Variants in ELMO1 observed in about 807,000 individuals in gnomAD.
The protein encoded by ELMO1 is engulfment and cell motility protein 1.
In ELMO1, 26 loss-of-function variants were observed where a neutral mutation model predicts 98.9. The ratio of observed to expected loss-of-function variants is 0.26; its 90% CI spans 0.19 to 0.36. The LOEUF is 0.36. ELMO1 is among the 10% of genes least tolerant of loss of function. The pLI, the probability that ELMO1 is intolerant of heterozygous loss-of-function variation, is 1.00. For synonymous variants in ELMO1, 346 were observed against 346.0 expected (o/e 1.00, Z 0.00); for missense variants, 627 against 935.2 (o/e 0.67, Z 4.30).
chr7:36,999,082 G>A lies in ELMO1; in HGVS notation c.1437+14217C>T, dbSNP rs375406419. Reference sequence around the variant, plus strand: ...GAGAGGGGATGAAATTCAAAGCACAGAAGGAGGCCATCCCCGGGGCCACAG... The same window carrying A: ...GAGAGGGGATGAAATTCAAAGCACAAAAGGAGGCCATCCCCGGGGCCACAG... On this transcript the variant is annotated intron_variant, in intron 16 of 21. Transcript: ENST00000310758. Among the ~76,000 whole-genome samples the A allele has an allele frequency of 2.6e-4, 39 of 152,244 alleles. No homozygotes were observed. In the South Asian group the frequency reaches 4.6e-3, roughly 18 times the overall value.
intron 16 of ELMO1, among the ~76,000 whole-genome samples, chr7:36,937,833 T>C (rs749044033): frequency 9.2e-5 from 14 of 152,314 alleles, no homozygotes; most frequent in Non-Finnish European, 1.3e-4. Flanking sequence ...AAAACAAAAG[T>C]GGAGCTCCTA....
At chr7:36,876,116 C>T (rs1027335112) in intron 19 of ELMO1, among the ~76,000 whole-genome samples, 2 of 152,222 alleles carry the variant, frequency 1.3e-5, no homozygotes, top group African/African-American at 4.8e-5. Context: ...TCAACTCTTT[C>T]TGTTTAACCA....
At chr7:37,030,786 A>G (rs1004302339) in intron 15 of ELMO1, among the ~76,000 whole-genome samples, 2 of 151,148 alleles carry the variant, frequency 1.3e-5, no homozygotes, top group African/African-American at 4.9e-5. Flanking sequence ...TTTTCTTCTC[A>G]CTCTTCACTC....
At chr7:36,988,636 C>T (rs898581741) in intron 16 of ELMO1, among the ~76,000 whole-genome samples, 3 of 152,150 alleles carry the variant, frequency 2.0e-5, no homozygotes, top group Non-Finnish European at 4.4e-5. Flanking sequence ...GAGAAAGTGA[C>T]ATCAAGCCAT....
intron 1 of ELMO1, among the ~76,000 whole-genome samples, chr7:37,360,080 C>T (rs911108948): frequency 6.6e-6 from 1 of 152,166 alleles, no homozygotes; most frequent in African/African-American, 2.4e-5. Flanking sequence ...TTCATGACCT[C>T]TAAGCTTTTA....
rs144087353 is a variant in ELMO1, at chr7:37,058,114, T to C, written c.1300+38505A>G. On this transcript the variant is annotated intron_variant, in intron 15 of 21. Coordinates refer to ENST00000310758, the MANE Select transcript of ELMO1 (RefSeq NM_014800.11). ...CATGTACACTCACACACAGTGTACA[T>C]ATGACTGGCTACTGAACAGTGAAAC... Among the ~76,000 whole-genome samples, 516 of 152,344 alleles carry C rather than the reference T, an allele frequency of 3.4e-3. 2 individuals are homozygous for C. Among genetic ancestry groups the C allele is most frequent in the South Asian group, 0.012 (59 of 4,834 alleles).
chr7:37,086,432 T>C (rs1318134405), intron 15 of ELMO1, among the ~76,000 whole-genome samples: 1 of 151,596 alleles, frequency 6.6e-6, no homozygotes, highest in Non-Finnish European at 1.5e-5. Flanking sequence ...GGCATAACTA[T>C]AGATGAACCT....
At chr7:37,182,833 C>G (rs557073865) in intron 13 of ELMO1, among the ~76,000 whole-genome samples, 113 of 152,156 alleles carry the variant, frequency 7.4e-4, no homozygotes, top group Non-Finnish European at 1.4e-3. Context: ...ACATCTATTT[C>G]ACCAGTTAGC....
intron 6 of ELMO1, among the ~76,000 whole-genome samples, chr7:37,248,524 G>A (rs1055487817): frequency 1.3e-5 from 2 of 152,200 alleles, no homozygotes; most frequent in African/African-American, 4.8e-5. Context: ...TGGCCTTTGT[G>A]ATGCAAATTT....
intron 16 of ELMO1, among the ~76,000 whole-genome samples, chr7:37,002,388 C>T (rs187282270): frequency 1.3e-5 from 2 of 152,326 alleles, no homozygotes; most frequent in South Asian, 2.1e-4. Context: ...GCTACTACCA[C>T]GAAGCAGTGC....
chr7:37,038,996 G>A (rs1795346668), intron 15 of ELMO1, among the ~76,000 whole-genome samples: 2 of 152,160 alleles, frequency 1.3e-5, no homozygotes, highest in Non-Finnish European at 2.9e-5. Flanking sequence ...TTGCCAGTTA[G>A]AACTTCAAAA....
intron 2 of ELMO1, among the ~76,000 whole-genome samples, chr7:37,329,912 G>C (rs561159595): frequency 6.6e-6 from 1 of 152,126 alleles, no homozygotes; most frequent in African/African-American, 2.4e-5. Context: ...TTCTTGATTG[G>C]GCTACTGCAA....
At chr7:36,899,255 T>C (rs1806296153) in intron 16 of ELMO1, among the ~76,000 whole-genome samples, 2 of 152,100 alleles carry the variant, frequency 1.3e-5, no homozygotes, top group African/African-American at 4.8e-5. Context: ...CTAGAGGACT[T>C]TGGGGTCTGT....
intron 4 of ELMO1, among the ~76,000 whole-genome samples, chr7:37,308,867 G>C (rs377018782): frequency 6.6e-6 from 1 of 152,152 alleles, no homozygotes; most frequent in Non-Finnish European, 1.5e-5. Context: ...AACATCCATA[G>C]CAGAAATCAG....
At chr7:37,200,946 A>T (rs950693154) in intron 13 of ELMO1, among the ~76,000 whole-genome samples, 13 of 75,230 alleles carry the variant, frequency 1.7e-4, no homozygotes, top group Admixed American at 3.2e-4. Flanking sequence ...CTGTCTCAAT[A>T]AAAAAAAAAA....
intron 5 of ELMO1, chr7:37,270,543 G>A (rs967222840): frequency 1.3e-5 from 2 of 152,170 alleles, no homozygotes; most frequent in Non-Finnish European, 1.5e-5. Flanking sequence ...CATCACATAT[G>A]CAGAGTGAAA....
At chr7:36,860,985 G>A (rs897654003) in intron 21 of ELMO1, among the ~76,000 whole-genome samples, 2 of 152,006 alleles carry the variant, frequency 1.3e-5, no homozygotes, top group African/African-American at 2.4e-5. Context: ...GCAACCACAC[G>A]CAAAACAAAA....
At chr7:37,382,771 T>TTTGTTA (rs1378089267) in intron 1 of ELMO1, among the ~76,000 whole-genome samples, 1 of 152,024 alleles carries the variant, frequency 6.6e-6, no homozygotes, top group Admixed American at 6.6e-5. Flanking sequence ...GTTAAGATAC[T>TTTGTTA]AGATAAGCCC....
At chr7:37,109,974 G>A (rs1274347534) in intron 14 of ELMO1, among the ~76,000 whole-genome samples, 2 of 152,168 alleles carry the variant, frequency 1.3e-5, no homozygotes, top group South Asian at 2.1e-4. Flanking sequence ...AGCAATGAAC[G>A]CTCGTGGTTT....
Sources: allele counts gnomAD v4.1 joint callset (sites outside exome capture counted in the v4.1 genomes callset), GRCh38; gene constraint gnomAD v4.1.1; transcripts MANE v1.5; gene names NCBI Gene and HGNC (gene_info 2026-07-23, HGNC 2026-07-21).